SGCZ: variants seen among roughly 807,000 people sequenced by gnomAD.
SGCZ encodes the protein zeta-sarcoglycan.
In SGCZ, 40 loss-of-function variants were observed where a neutral mutation model predicts 41.3. The observed-to-expected ratio is 0.97, with a 90% CI of 0.75 to 1.26. The LOEUF is 1.26. SGCZ is among the 50% of genes most tolerant of loss of function. SGCZ has a pLI of 0.00. For missense variants in SGCZ, 552 were observed against 369.8 expected, an observed-to-expected ratio of 1.49 and a Z score of -4.04; for synonymous variants, 206 against 137.5, an observed-to-expected ratio of 1.50 and a Z score of -3.49.
intron 1 of SGCZ, among the ~76,000 whole-genome samples, chr8:14,813,908 G>C (rs894217035): frequency 9.2e-5 from 14 of 152,096 alleles, no homozygotes; most frequent in African/African-American, 3.1e-4. Context: ...AGCCAAGATA[G>C]TGCCACTGCA....
chr8:14,616,806 T>G (rs1471936803), intron 1 of SGCZ, among the ~76,000 whole-genome samples: 2 of 152,202 alleles, frequency 1.3e-5, no homozygotes, highest in Non-Finnish European at 2.9e-5. Flanking sequence ...TCAAATTTTA[T>G]TGTTAGCAAT....
chr8:14,661,884 T>C (rs11989735), intron 1 of SGCZ, among the ~76,000 whole-genome samples: 51,604 of 151,808 alleles, frequency 0.34, 11,312 homozygotes, highest in African/African-American at 0.63. Context: ...CTTTGGCTTG[T>C]CCCCAGAGAC....
intron 4 of SGCZ, among the ~76,000 whole-genome samples, chr8:14,199,397 C>T (rs1367695371): frequency 6.6e-6 from 1 of 152,178 alleles, no homozygotes; most frequent in Non-Finnish European, 1.5e-5. Flanking sequence ...AATGACAATG[C>T]ATGCCCGAAA....
At chr8:15,146,359 C>T (rs1000065741) in intron 1 of SGCZ, among the ~76,000 whole-genome samples, 4 of 151,976 alleles carry the variant, frequency 2.6e-5, no homozygotes, top group Non-Finnish European at 5.9e-5. Flanking sequence ...TTGAGGAAGC[C>T]AATTTTTAAA....
At chr8:14,800,800 A>G (rs534292915) in intron 1 of SGCZ, among the ~76,000 whole-genome samples, 2 of 152,178 alleles carry the variant, frequency 1.3e-5, no homozygotes, top group Non-Finnish European at 2.9e-5. Context: ...TTTTATAGCA[A>G]TGTAAGAACA....
At chr8:14,888,330 C>A (rs1473873912) in intron 1 of SGCZ, among the ~76,000 whole-genome samples, 1 of 152,040 alleles carries the variant, frequency 6.6e-6, no homozygotes, top group Non-Finnish European at 1.5e-5. Context: ...GATTTCATAA[C>A]CATCTCTAGC....
chr8:15,075,006 A>G (rs1805479720), intron 1 of SGCZ, among the ~76,000 whole-genome samples: 3 of 152,158 alleles, frequency 2.0e-5, no homozygotes, highest in Non-Finnish European at 2.9e-5. Flanking sequence ...CTGCATCCTC[A>G]GCACCTAACC....
Position 14,088,089 on chromosome 8 carries a change from T to G in SGCZ, c.*2354A>C, listed in dbSNP as rs555510246. On this transcript the variant is annotated 3_prime_UTR_variant, in exon 8 of 8. Transcript: ENST00000382080. ...TTTTCTCACTTTTTTTTTCATCTTT[T>G]CTCCTCTTATGACATATAATTTAAA... Among the ~76,000 whole-genome samples the G allele has an allele frequency of 6.6e-6, 1 of 151,946 alleles. No individual in the cohort carries two copies. The highest frequency in any genetic ancestry group is 2.4e-5 in the African/African-American group (1 of 41,542).
chr8:14,868,526 C>A (rs577247624), intron 1 of SGCZ, among the ~76,000 whole-genome samples: 44 of 152,060 alleles, frequency 2.9e-4, no homozygotes, highest in Admixed American at 1.2e-3. Context: ...ATAGATGAAA[C>A]AATGAAAAGA....
intron 3 of SGCZ, among the ~76,000 whole-genome samples, chr8:14,288,769 C>CAAA (rs1800736586): frequency 6.6e-6 from 1 of 152,090 alleles, no homozygotes. Context: ...TGTTTGACCA[C>CAAA]TTGTTACCAA....
chr8:14,491,328 G>A (rs1801836997), intron 2 of SGCZ, among the ~76,000 whole-genome samples: 1 of 142,750 alleles, frequency 7.0e-6, no homozygotes. Context: ...ATACTCTACA[G>A]GCAAAAACAT....
intron 4 of SGCZ, among the ~76,000 whole-genome samples, chr8:14,233,396 T>C (rs1585259117): frequency 2.0e-5 from 3 of 151,510 alleles, no homozygotes; most frequent in South Asian, 2.1e-4. Flanking sequence ...AGTTTAAAAA[T>C]AGTATGTTAA....
chr8:14,551,458 T>TGAA (rs1803810346), intron 2 of SGCZ, among the ~76,000 whole-genome samples: 1 of 6,504 alleles, frequency 1.5e-4, no homozygotes, highest in Non-Finnish European at 2.6e-4. Context: ...ATATATATTA[T>TGAA]ATATATTATA....
At chr8:15,184,079 T>C (rs775077731) in intron 1 of SGCZ, among the ~76,000 whole-genome samples, 1 of 152,184 alleles carries the variant, frequency 6.6e-6, no homozygotes, top group Non-Finnish European at 1.5e-5. Flanking sequence ...ATTTTCCGTT[T>C]CAACAGCACA....
chr8:14,262,517 C>T (rs959821169), intron 3 of SGCZ, among the ~76,000 whole-genome samples: 4 of 151,846 alleles, frequency 2.6e-5, no homozygotes, highest in African/African-American at 9.7e-5. Flanking sequence ...TTTCAAAGCA[C>T]AGGAATAATT....
At chr8:14,346,245 C>T (rs1370993726) in intron 2 of SGCZ, among the ~76,000 whole-genome samples, 1 of 151,974 alleles carries the variant, frequency 6.6e-6, no homozygotes, top group Non-Finnish European at 1.5e-5. Context: ...GCTCATTTTC[C>T]TGTAAACCTA....
intron 1 of SGCZ, among the ~76,000 whole-genome samples, chr8:15,213,468 A>G (rs1336640512): frequency 1.3e-5 from 2 of 151,486 alleles, no homozygotes; most frequent in Non-Finnish European, 3.0e-5. Flanking sequence ...GAAAAAAATG[A>G]TTTTTCTAGT....
chr8:14,922,043 A>C (rs182349779), intron 1 of SGCZ, among the ~76,000 whole-genome samples: 1 of 152,234 alleles, frequency 6.6e-6, no homozygotes, highest in Non-Finnish European at 1.5e-5. Context: ...TATTTTCCTT[A>C]CCATCAAATG....
intron 1 of SGCZ, among the ~76,000 whole-genome samples, chr8:14,587,696 A>G (rs1805105895): frequency 6.6e-6 from 1 of 152,186 alleles, no homozygotes; most frequent in South Asian, 2.1e-4. Context: ...CCTCTCTTTT[A>G]TTAATTTAGT....
Sources: gnomAD v4.1 joint callset for allele counts (sites outside exome capture counted in the v4.1 genomes callset) on GRCh38, gnomAD v4.1.1 for gene constraint, MANE v1.5 for transcripts, NCBI Gene and HGNC (gene_info 2026-07-23, HGNC 2026-07-21) for gene names.